Variants in MAP3K5 observed in about 807,000 individuals in gnomAD.
MAP3K5 encodes mitogen-activated protein kinase kinase kinase 5, also known as ASK-1.
A neutral mutation model predicts 158.7 loss-of-function variants in MAP3K5; 56 were observed. That is an observed-to-expected ratio of 0.35 (90% CI 0.28 to 0.44). The LOEUF (loss-of-function observed/expected upper bound fraction) is 0.44, where lower values mean the gene tolerates loss of function less well. MAP3K5 is among the 20% of genes least tolerant of loss of function. The pLI is 1.00. For missense variants in MAP3K5, 1,294 were observed against 1,674.8 expected (o/e 0.77, Z 3.97); for synonymous variants, 579 against 601.7 (o/e 0.96, Z 0.55).
At position 136,791,902 on chromosome 6, in the gene MAP3K5, C is replaced by A. The variant is rs774561059; in HGVS notation, c.256G>T (p.Gly86Trp). Residue 86 changes from glycine (G) to tryptophan (W), a missense_variant, in exon 1 of 30, where the codon GGG (glycine) becomes TGG (tryptophan). By Grantham distance (184) the Gly-to-Trp change is radical. This residue lies in a region of MAP3K5 where 690 missense variants were observed against 870.5 expected (regional missense o/e 0.79). Transcript: ENST00000359015. ...ATRGRGSSVG[G>W]GSRRTTVAYV... ...GCCACCGTGGTCCGTCGGCTGCCCC[C>A]GCCAACAGAGCTGCCCCGGCCTCGG... The A allele has an allele frequency of 6.8e-6, 11 of 1,613,188 alleles. No homozygotes were observed. The African/African-American group carries it at 1.5e-4, about 22-fold the overall frequency.
intron 23 of MAP3K5, among the ~76,000 whole-genome samples, chr6:136,591,630 T>C (rs1430990143): frequency 6.6e-6 from 1 of 152,250 alleles, no homozygotes; most frequent in Non-Finnish European, 1.5e-5. Flanking sequence ...TTATATGTAA[T>C]TTTGCTTCAG....
At chr6:136,568,857 C>CA (rs60185973) in intron 25 of MAP3K5, among the ~76,000 whole-genome samples, 1,375 of 44,282 alleles carry the variant, frequency 0.031, 26 homozygotes, top group Non-Finnish European at 0.035. Context: ...GAGTCTGTCT[C>CA]AAAAAAAAAA....
intron 1 of MAP3K5, among the ~76,000 whole-genome samples, chr6:136,744,087 A>G (rs773413442): frequency 3.3e-5 from 5 of 152,194 alleles, no homozygotes; most frequent in African/African-American, 4.8e-5. Context: ...ATAATTGTGG[A>G]TACATGTCAT....
intron 25 of MAP3K5, among the ~76,000 whole-genome samples, chr6:136,569,148 A>C (rs1424544145): frequency 6.6e-6 from 1 of 152,220 alleles, no homozygotes; most frequent in Non-Finnish European, 1.5e-5. Flanking sequence ...ACCTGACTCT[A>C]GTATAGCATC....
intron 1 of MAP3K5, among the ~76,000 whole-genome samples, chr6:136,743,869 G>A (rs1397156290): frequency 6.6e-6 from 1 of 152,136 alleles, no homozygotes; most frequent in Non-Finnish European, 1.5e-5. Flanking sequence ...AAAGAAATGA[G>A]CCATCAAGCC....
At chr6:136,660,397 T>A (rs1235650256) in intron 8 of MAP3K5, among the ~76,000 whole-genome samples, 2 of 151,760 alleles carry the variant, frequency 1.3e-5, no homozygotes, top group East Asian at 1.9e-4. Flanking sequence ...TGAAAAAAAA[T>A]TTAAAATCTA....
chr6:136,789,170 C>G (rs1363057174), intron 1 of MAP3K5, among the ~76,000 whole-genome samples: 1 of 152,040 alleles, frequency 6.6e-6, no homozygotes, highest in Non-Finnish European at 1.5e-5. Flanking sequence ...ATTAGCCCAG[C>G]GTGGTGGCTC....
At chr6:136,788,794 T>G (rs1227001346) in intron 1 of MAP3K5, among the ~76,000 whole-genome samples, 1 of 152,206 alleles carries the variant, frequency 6.6e-6, no homozygotes, top group Non-Finnish European at 1.5e-5. Flanking sequence ...ACTTACACAC[T>G]GTTGGTGAGA....
At chr6:136,642,682 A>G (rs1162215894) in intron 11 of MAP3K5, 113 bp from the exon 12 acceptor site, 8 of 711,768 alleles carry the variant, frequency 1.1e-5, no homozygotes, top group African/African-American at 3.6e-5. Flanking sequence ...TTCCTGGTAC[A>G]CTATTTTTCA....
At chr6:136,711,892 C>A (rs1018277274) in intron 2 of MAP3K5, among the ~76,000 whole-genome samples, 2 of 152,078 alleles carry the variant, frequency 1.3e-5, no homozygotes, top group African/African-American at 4.8e-5. Context: ...GGTCTAGAGA[C>A]CTTTTACACC....
At chr6:136,744,230 ATAT>A (rs991592288) in intron 1 of MAP3K5, among the ~76,000 whole-genome samples, 1 of 152,194 alleles carries the variant, frequency 6.6e-6, no homozygotes, top group African/African-American at 2.4e-5. Context: ...CTAGATCAGT[ATAT>A]TAACAGCAGA....
At chr6:136,604,294 C>T (rs34969769) in intron 19 of MAP3K5, among the ~76,000 whole-genome samples, 1 of 150,712 alleles carries the variant, frequency 6.6e-6, no homozygotes, top group African/African-American at 2.4e-5. Context: ...TGCACTCCAG[C>T]CTGGGTGATA....
intron 2 of MAP3K5, among the ~76,000 whole-genome samples, chr6:136,708,490 A>G (rs1007951433): frequency 1.3e-5 from 2 of 152,106 alleles, no homozygotes; most frequent in Admixed American, 6.6e-5. Context: ...TCCTGGGCTC[A>G]AGCAATCCGC....
intron 1 of MAP3K5, among the ~76,000 whole-genome samples, chr6:136,787,173 G>A (rs1784887642): frequency 6.6e-6 from 1 of 152,074 alleles, no homozygotes; most frequent in African/African-American, 2.4e-5. Context: ...GACCTGCCTA[G>A]GCAATATAGC....
At chr6:136,727,404 C>T (rs576184202) in intron 1 of MAP3K5, among the ~76,000 whole-genome samples, 2 of 152,276 alleles carry the variant, frequency 1.3e-5, no homozygotes, top group African/African-American at 4.8e-5. Flanking sequence ...TGCCAAAGAT[C>T]AGCTAGAAAG....
intron 10 of MAP3K5, among the ~76,000 whole-genome samples, chr6:136,651,602 T>C (rs1009820634): frequency 3.9e-5 from 6 of 152,188 alleles, no homozygotes; most frequent in Non-Finnish European, 7.4e-5. Flanking sequence ...TTCCTGAGTT[T>C]TATATACAAA....
intron 1 of MAP3K5, among the ~76,000 whole-genome samples, chr6:136,751,716 T>C (rs1375625695): frequency 6.6e-6 from 1 of 152,228 alleles, no homozygotes; most frequent in African/African-American, 2.4e-5. Context: ...CAGAGTATGA[T>C]TTGCTAATGC....
intron 1 of MAP3K5, among the ~76,000 whole-genome samples, chr6:136,734,489 C>T (rs1379906363): frequency 1.3e-5 from 2 of 148,596 alleles, no homozygotes; most frequent in East Asian, 2.0e-4. Context: ...ATTTCTGTAT[C>T]GCCACGGCAA....
intron 8 of MAP3K5, among the ~76,000 whole-genome samples, chr6:136,661,159 T>C (rs1464599880): frequency 2.0e-5 from 3 of 152,234 alleles, no homozygotes; most frequent in Non-Finnish European, 4.4e-5. Context: ...GTCATGATTT[T>C]AGCTTTTTGA....
Sources: allele counts gnomAD v4.1 joint callset (sites outside exome capture counted in the v4.1 genomes callset), GRCh38; gene constraint gnomAD v4.1.1; regional missense constraint gnomAD v4.1.1; transcripts MANE v1.5; gene names NCBI Gene and HGNC (gene_info 2026-07-23, HGNC 2026-07-21).